FMN2: variants seen among roughly 807,000 people sequenced by gnomAD.
FMN2 encodes formin 2.
A neutral mutation model predicts 142.3 loss-of-function variants in FMN2; 51 were observed. That is an observed-to-expected ratio of 0.36 (90% confidence interval 0.29 to 0.45). The LOEUF is 0.45. Among genes scored for constraint, FMN2 ranks in the 20% least tolerant of loss-of-function variants. The pLI is 1.00. For synonymous variants in FMN2, 882 were observed against 869.8 expected, an observed-to-expected ratio of 1.01 and a Z score of -0.25; for missense variants, 1,936 against 2,122.8, an observed-to-expected ratio of 0.91 and a Z score of 1.73.
chr1:240,131,602 A>C (rs1188024669), intron 2 of FMN2, among the ~76,000 whole-genome samples: 10 of 152,026 alleles, frequency 6.6e-5, no homozygotes, highest in Non-Finnish European at 1.5e-5. Context: ...CCAGCTACTC[A>C]GGAGACTGAG....
At chr1:240,436,676 CAAAA>C (rs35630459) in intron 15 of FMN2, among the ~76,000 whole-genome samples, 1 of 135,902 alleles carries the variant, frequency 7.4e-6, no homozygotes, top group African/African-American at 2.9e-5. Flanking sequence ...GACTCCGTCT[CAAAA>C]AAAAAAAAAA....
chr1:240,208,297 T>A lies in FMN2; in HGVS notation c.3485T>A (p.Ile1162Lys). The A allele has an allele frequency of 3.2e-6, 1 of 314,804 alleles. No homozygotes were observed. The allele number at this position is 314,804 out of a possible 1,614,324, so 19.5% of individuals were successfully genotyped here. The stretch of plus-strand genomic sequence containing the variant: ...CCGCCCCCACTTCCCGGAGCGGGCA[T>A]ACCCCCACCTCCCCCTCTACCCGGA... ...PPPPPLPGAGIPPPPPLPGAG... is the reference protein window; with the variant it reads ...PPPPPLPGAGKPPPPPLPGAG... Residue 1162 changes from isoleucine to lysine, a missense_variant, in exon 5 of 18, where the codon ATA becomes AAA. Ile to Lys is a moderately radical substitution (Grantham distance 102, BLOSUM62 -3). Around this residue, in one of 8 missense-constraint regions of FMN2, gnomAD observed 56 missense variants for 111.8 expected, o/e 0.50. Transcript: ENST00000319653.
intron 16 of FMN2, among the ~76,000 whole-genome samples, chr1:240,454,483 A>C (rs947011019): frequency 2.0e-5 from 3 of 152,210 alleles, no homozygotes; most frequent in Non-Finnish European, 4.4e-5. Flanking sequence ...CAGAGGTTGC[A>C]ATGAGCTGAG....
At chr1:240,301,450 C>T (rs1030156763) in intron 8 of FMN2, among the ~76,000 whole-genome samples, 1 of 151,794 alleles carries the variant, frequency 6.6e-6, no homozygotes, top group African/African-American at 2.4e-5. Flanking sequence ...ATTTCTGAAG[C>T]TCTTCCTTTG....
chr1:240,433,951 G>A (rs9661049), intron 15 of FMN2, among the ~76,000 whole-genome samples: 115,924 of 152,086 alleles, frequency 0.76, 45,460 homozygotes, highest in South Asian at 0.88. Flanking sequence ...GAGAAATTCC[G>A]AAATGGTCCT....
intron 7 of FMN2, among the ~76,000 whole-genome samples, chr1:240,289,717 A>G (rs1669713138): frequency 6.6e-6 from 1 of 152,112 alleles, no homozygotes; most frequent in Admixed American, 6.6e-5. Context: ...ACACAAATAA[A>G]GTGAACTACT....
intron 1 of FMN2, among the ~76,000 whole-genome samples, chr1:240,114,013 A>T (rs1355430744): frequency 6.6e-6 from 1 of 152,200 alleles, no homozygotes; most frequent in African/African-American, 2.4e-5. Context: ...GTGAAAGTGG[A>T]ATATACACAC....
At chr1:240,452,930 C>T (rs1320225951) in intron 16 of FMN2, among the ~76,000 whole-genome samples, 1 of 152,082 alleles carries the variant, frequency 6.6e-6, no homozygotes, top group Non-Finnish European at 1.5e-5. Flanking sequence ...TTTCGTTTTA[C>T]AAAGGCTGAA....
At chr1:240,204,489 G>A (rs1304209897) in intron 4 of FMN2, among the ~76,000 whole-genome samples, 1 of 152,208 alleles carries the variant, frequency 6.6e-6, no homozygotes, top group East Asian at 1.9e-4. Flanking sequence ...GGTGGCTCAC[G>A]CCTGTAATCC....
chr1:240,339,575 T>G (rs557066148), intron 13 of FMN2, among the ~76,000 whole-genome samples: 1 of 152,216 alleles, frequency 6.6e-6, no homozygotes, highest in Non-Finnish European at 1.5e-5. Flanking sequence ...TTTACCATCT[T>G]TACCATTTTT....
rs12727981 is a variant in FMN2, at chr1:240,091,903, G to A, written c.-207G>A. The A allele has an allele frequency of 7.3e-6, 6 of 818,874 alleles. No individual in the cohort carries two copies. Among genetic ancestry groups the A allele is most frequent in the South Asian group, 3.0e-5 (1 of 33,718 alleles). The allele number at this position is 818,874 out of a possible 1,614,324, so 50.7% of individuals were successfully genotyped here. A position where few individuals can be genotyped will look rare whatever the true frequency, so the allele number is the denominator to read the frequency against. On this transcript the variant is annotated 5_prime_UTR_variant, in exon 1 of 18. Coordinates refer to ENST00000319653, the MANE Select transcript of FMN2 (RefSeq NM_020066.5). The stretch of plus-strand genomic sequence containing the variant: ...TAGCCGCAGCCGCAGCCGCAGCGAC[G>A]GCAGCCACGGGAGCCGCCGCGCATT...
intron 16 of FMN2, among the ~76,000 whole-genome samples, chr1:240,461,060 T>C (rs1244489652): frequency 6.6e-6 from 1 of 152,208 alleles, no homozygotes; most frequent in African/African-American, 2.4e-5. Context: ...CCGCAAGCTC[T>C]CCGCTTACCT....
At chr1:240,161,117 TTTTTTTA>T (rs376762180) in intron 2 of FMN2, among the ~76,000 whole-genome samples, 1,804 of 152,248 alleles carry the variant, frequency 0.012, 31 homozygotes, top group African/African-American at 0.041. Flanking sequence ...TGGTTTTGAA[TTTTTTTA>T]TTTCATTTCT....
chr1:240,372,192 C>T (rs140261665), intron 14 of FMN2, among the ~76,000 whole-genome samples: 104 of 152,252 alleles, frequency 6.8e-4, no homozygotes, highest in African/African-American at 2.3e-3. Context: ...GCCGAGATCA[C>T]GTCATTGCAC....
intron 6 of FMN2, among the ~76,000 whole-genome samples, chr1:240,247,948 A>C (rs1668133681): frequency 6.6e-6 from 1 of 152,140 alleles, no homozygotes; most frequent in Non-Finnish European, 1.5e-5. Context: ...CATTTCTGTG[A>C]GTTAGGAACA....
At position 240,093,142 on chromosome 1, in the gene FMN2, A is replaced by G; in HGVS notation, c.1033A>G (p.Thr345Ala). The G allele has an allele frequency of 7.1e-7, 1 of 1,414,914 alleles. No homozygotes were observed. Among genetic ancestry groups the G allele is most frequent in the Non-Finnish European group, 9.2e-7 (1 of 1,092,422 alleles). The allele number at this position is 1,414,914 out of a possible 1,614,324, so 87.6% of individuals were successfully genotyped here. ...AGAPVRGAGDTDEEGEEDAFE... is the reference protein window; with the variant it reads ...AGAPVRGAGDADEEGEEDAFE... ...AGCCCCCGTGCGAGGGGCTGGGGAC[A>G]CGGATGAGGAGGGTGAGGAGGATGC... The change falls in exon 1 of 18, where the codon ACG (threonine) becomes GCG (alanine). Residue 345 changes from threonine (T) to alanine (A), a missense_variant. This residue lies in a region of FMN2 where 751 missense variants were observed against 791.8 expected (regional missense o/e 0.95). Transcript: ENST00000319653.
chr1:240,271,098 G>GTTTTTTTTTTTTTGTTTTT (rs1668992458), intron 7 of FMN2, among the ~76,000 whole-genome samples: 1 of 72,244 alleles, frequency 1.4e-5, no homozygotes, highest in African/African-American at 6.6e-5. Context: ...TTCCACGATG[G>GTTTTTTTTTTTTTGTTTTT]TTTTTTTTTT....
chr1:240,470,429 C>A (rs868116534), intron 16 of FMN2, among the ~76,000 whole-genome samples: 29 of 152,256 alleles, frequency 1.9e-4, no homozygotes, highest in African/African-American at 6.7e-4. Flanking sequence ...AAGTTGTCAT[C>A]ATTTTCTGGA....
intron 3 of FMN2, among the ~76,000 whole-genome samples, chr1:240,184,055 G>T (rs1216711035): frequency 1.3e-5 from 2 of 151,956 alleles, no homozygotes; most frequent in Non-Finnish European, 2.9e-5. Flanking sequence ...CCCGCTCATT[G>T]TCTTACTGTC....
Sources: gnomAD v4.1 joint callset for allele counts (sites outside exome capture counted in the v4.1 genomes callset) on GRCh38, gnomAD v4.1.1 for gene constraint, gnomAD v4.1.1 regional missense constraint, MANE v1.5 for transcripts, NCBI Gene and HGNC (gene_info 2026-07-23, HGNC 2026-07-21) for gene names.